Variants in WDR19 observed in about 807,000 individuals in gnomAD.
WDR19 encodes the protein WD repeat domain 19, also known as WD repeat-containing protein 19.
WDR19 carries 121 observed loss-of-function variants against 180.0 expected under a neutral mutation model. The ratio of observed to expected loss-of-function variants is 0.67; its 90% CI spans 0.58 to 0.78. WDR19 has a LOEUF of 0.78. Ranked by LOEUF, WDR19 falls within the 30% of genes least tolerant of loss-of-function variation. The pLI, the probability that WDR19 is intolerant of heterozygous loss-of-function variation, is 0.00. For synonymous variants in WDR19, 497 were observed against 540.7 expected (o/e 0.92, Z 1.12); for missense variants, 1,450 against 1,640.7 (o/e 0.88, Z 2.01).
chr4:39,236,906 C>T (rs1031651718), intron 20 of WDR19, among the ~76,000 whole-genome samples: 2 of 152,046 alleles, frequency 1.3e-5, no homozygotes, highest in African/African-American at 2.4e-5. Context: ...AGTGTTGCAT[C>T]GAAGTGTAAT....
chr4:39,284,123 G>A (rs1736880585), intron 36 of WDR19, among the ~76,000 whole-genome samples: 1 of 150,752 alleles, frequency 6.6e-6, no homozygotes, highest in African/African-American at 2.5e-5. Flanking sequence ...CCTCAATTGG[G>A]ACATTTTGAG....
intron 3 of WDR19, among the ~76,000 whole-genome samples, chr4:39,188,528 A>G (rs1460978113): frequency 6.6e-6 from 1 of 151,610 alleles, no homozygotes; most frequent in Non-Finnish European, 1.5e-5. Flanking sequence ...ATAGTGAACT[A>G]TAATCATTTG....
intron 24 of WDR19, among the ~76,000 whole-genome samples, chr4:39,251,386 T>G (rs1413611664): frequency 6.6e-6 from 1 of 152,162 alleles, no homozygotes; most frequent in Non-Finnish European, 1.5e-5. Context: ...ACTTACATGT[T>G]AGACCTAAAA....
chr4:39,258,158 T>C (rs1489442535), intron 28 of WDR19, among the ~76,000 whole-genome samples: 1 of 113,610 alleles, frequency 8.8e-6, no homozygotes, highest in Admixed American at 1.0e-4. Flanking sequence ...CAGTAAGTCA[T>C]TCTTTTTTTT....
chr4:39,240,782 T>A (rs1181654328), intron 21 of WDR19, among the ~76,000 whole-genome samples: 1 of 151,366 alleles, frequency 6.6e-6, no homozygotes, highest in Admixed American at 6.6e-5. Context: ...AAACCCCATC[T>A]CTACTAAAAA....
intron 24 of WDR19, among the ~76,000 whole-genome samples, chr4:39,250,015 T>C (rs1732979846): frequency 6.6e-6 from 1 of 152,142 alleles, no homozygotes; most frequent in Admixed American, 6.5e-5. Flanking sequence ...ATCATCCTGA[T>C]ACCAAAGCCT....
At chr4:39,269,834 TCTG>T in intron 30 of WDR19, 139 bp from the exon 31 acceptor site, 1 of 1,103,516 alleles carries the variant, frequency 9.1e-7, no homozygotes, top group Non-Finnish European at 1.3e-6. Context: ...AAATAGGAAA[TCTG>T]CTGAGTTGCT....
intron 1 of WDR19, among the ~76,000 whole-genome samples, chr4:39,183,672 T>G (rs1431209807): frequency 6.6e-6 from 1 of 152,254 alleles, no homozygotes; most frequent in African/African-American, 2.4e-5. Flanking sequence ...CTCTTTACAA[T>G]TTATGAAATA....
chr4:39,247,200 T>A (rs1577983439), intron 24 of WDR19, among the ~76,000 whole-genome samples: 1 of 152,122 alleles, frequency 6.6e-6, no homozygotes, highest in Non-Finnish European at 1.5e-5. Flanking sequence ...GGTTCACCAA[T>A]ATCCACTGTT....
chr4:39,225,786 C>CGGG (rs1730184474), intron 15 of WDR19, among the ~76,000 whole-genome samples: 1 of 151,948 alleles, frequency 6.6e-6, no homozygotes, highest in African/African-American at 2.4e-5. Flanking sequence ...CTCCCCATGC[C>CGGG]CGCCCCTTCT....
At position 39,231,748 on chromosome 4, in the gene WDR19, CAT is replaced by C. The variant is rs541027455; in HGVS notation, c.1983-48_1983-47del. The C allele has an allele frequency of 1.3e-3, 1,942 of 1,488,922 alleles. 5 individuals carry two copies. The highest frequency in any genetic ancestry group is 2.7e-3 in the Middle Eastern group (15 of 5,540). 92.2% of individuals were successfully genotyped at this position (1,488,922 alleles called of 1,614,324 possible). On this transcript the variant is annotated intron_variant, in intron 17 of 36. Coordinates refer to ENST00000399820, the MANE Select transcript of WDR19 (RefSeq NM_025132.4). ...GACATGTAGTCTGAAAATTGCCTAA[CAT>C]GTGGCAAGTGGAACATTCTGATTAA...
intron 36 of WDR19, among the ~76,000 whole-genome samples, chr4:39,283,497 T>C (rs1241704521): frequency 1.3e-5 from 2 of 152,148 alleles, no homozygotes; most frequent in African/African-American, 4.8e-5. Context: ...TTGTCTTGCC[T>C]TCTATTTGAC....
At chr4:39,273,140 T>C (rs1735547891) in intron 32 of WDR19, 79 bp downstream of exon 32, 3 of 1,111,650 alleles carry the variant, frequency 2.7e-6, no homozygotes, top group Admixed American at 5.1e-5. Context: ...TTTTGCAGGC[T>C]CCCCTCATAC....
At chr4:39,245,960 T>A (rs1373517814) in intron 24 of WDR19, among the ~76,000 whole-genome samples, 1 of 152,166 alleles carries the variant, frequency 6.6e-6, no homozygotes, top group Non-Finnish European at 1.5e-5. Context: ...ATAGTTAATA[T>A]CCTAAACATA....
chr4:39,215,814 A>T, intron 10 of WDR19, 27 bp from the exon 11 acceptor site: 2 of 1,581,656 alleles, frequency 1.3e-6, no homozygotes, highest in Non-Finnish European at 8.6e-7. Flanking sequence ...GTTTTTGAAT[A>T]ATCATTTATT....
chr4:39,194,597 G>A lies in WDR19; in HGVS notation c.344G>A (p.Gly115Glu), dbSNP rs1456130645. 1 of 1,613,306 alleles carries A rather than the reference G, an allele frequency of 6.2e-7. No homozygotes were observed. The change falls in exon 5 of 37, where the codon GGA becomes GAA. Residue 115 changes from glycine to glutamate, a missense_variant. Coordinates refer to ENST00000399820, the MANE Select transcript of WDR19 (RefSeq NM_025132.4). ...WSKVGSFLAV[G>E]TVKGNLLIYN... The stretch of plus-strand genomic sequence containing the variant: ...AAAGTTGGAAGTTTCCTGGCTGTTG[G>A]AACTGTTAAAGGAAATTTGCTTATT...
intron 10 of WDR19, 79 bp from the exon 11 acceptor site, chr4:39,215,762 G>T (rs774699606): frequency 3.3e-5 from 46 of 1,397,880 alleles, no homozygotes; most frequent in Non-Finnish European, 4.4e-5. Flanking sequence ...GTCTCTGGTA[G>T]CTTAAATGAA....
At chr4:39,272,900 GTTGT>G (rs1317765243) in intron 31 of WDR19, 76 bp from the exon 32 acceptor site, 2 of 1,193,348 alleles carry the variant, frequency 1.7e-6, no homozygotes, top group African/African-American at 1.5e-5. Flanking sequence ...TCATCAAGGA[GTTGT>G]TTATTTGGGG....
chr4:39,184,576 C>T (rs1467395062), intron 1 of WDR19, among the ~76,000 whole-genome samples: 2 of 151,992 alleles, frequency 1.3e-5, no homozygotes, highest in African/African-American at 4.8e-5. Flanking sequence ...AAGGGATTCT[C>T]GTGCCTCAGC....
Sources: gnomAD v4.1 joint callset for allele counts (sites outside exome capture counted in the v4.1 genomes callset) on GRCh38, gnomAD v4.1.1 for gene constraint, MANE v1.5 for transcripts, NCBI Gene and HGNC (gene_info 2026-07-23, HGNC 2026-07-21) for gene names.